PLEKHH2: variants seen among roughly 807,000 people sequenced by gnomAD.
PLEKHH2 encodes the protein pleckstrin homology domain-containing family H member 2.
Under a neutral mutation model 187.9 loss-of-function variants are expected in PLEKHH2, and 129 were observed. The ratio of observed to expected loss-of-function variants is 0.69; its 90% CI spans 0.59 to 0.79. PLEKHH2 has a LOEUF of 0.79. PLEKHH2 is among the 30% of genes least tolerant of loss of function. PLEKHH2 has a pLI of 0.00. For synonymous variants in PLEKHH2, 686 were observed against 605.6 expected, an observed-to-expected ratio of 1.13 and a Z score of -1.95; for missense variants, 2,076 against 1,751.2, an observed-to-expected ratio of 1.19 and a Z score of -3.31.
chr2:43,644,587 A>G (rs1391232293), intron 1 of PLEKHH2, 84 bp from the exon 2 acceptor site: 3 of 1,148,418 alleles, frequency 2.6e-6, no homozygotes, highest in Non-Finnish European at 3.6e-6. Context: ...GGGTAATTTA[A>G]CAAATTATCC....
chr2:43,740,296 T>A lies in PLEKHH2; in HGVS notation c.3124-650T>A, dbSNP rs183393074. ...TTATAGGATAAAGAAATTAAAAAAA[T>A]TTTTTTGTTGTTTGAAGACTTTTTG... On this transcript the variant is annotated intron_variant, in intron 20 of 29. Coordinates refer to ENST00000282406, the MANE Select transcript of PLEKHH2 (RefSeq NM_172069.4). 5.7e-3 allele frequency among the ~76,000 whole-genome samples: 862 copies of A among 152,236 alleles called. 9 individuals carry two copies. Among genetic ancestry groups the A allele is most frequent in the South Asian group, 0.031 (147 of 4,818 alleles).
At chr2:43,675,638 C>T (rs758735999) in intron 2 of PLEKHH2, 2 of 1,613,850 alleles carry the variant, frequency 1.2e-6, no homozygotes, top group Non-Finnish European at 1.7e-6. Context: ...TCTGCATGAA[C>T]TCCTGCATAT....
intron 10 of PLEKHH2, 117 bp from the exon 11 acceptor site, chr2:43,707,284 A>T: frequency 9.1e-7 from 1 of 1,104,682 alleles, no homozygotes; most frequent in Non-Finnish European, 1.3e-6. Context: ...TTAGGGATGG[A>T]TACAGGGAGG....
At chr2:43,735,837 A>G (rs1177193100) in intron 19 of PLEKHH2, among the ~76,000 whole-genome samples, 4 of 152,330 alleles carry the variant, frequency 2.6e-5, no homozygotes, top group South Asian at 2.1e-4. Context: ...GGAGATAATC[A>G]TATCTGTAGA....
rs1311939971 is a variant in PLEKHH2, at chr2:43,700,051, A to G, written c.1093A>G (p.Ser365Gly). ...GGAGGCACAGTGGAAAGCTCTAAAT[A>G]GTCCTCTTGGAAAGGGAAATTCTGA... ...QQEAQWKALN[S>G]PLGKGNSELS... The change falls in exon 8 of 30, where the codon AGT becomes GGT. Residue 365 changes from serine to glycine, a missense_variant. Coordinates refer to ENST00000282406, the MANE Select transcript of PLEKHH2 (RefSeq NM_172069.4). 1.2e-6 allele frequency: 2 copies of G among 1,614,088 alleles called. No individual in the cohort carries two copies. The highest frequency in any genetic ancestry group is 2.7e-5 in the African/African-American group (2 of 74,930).
At chr2:43,693,597 T>C (rs564118727) in intron 4 of PLEKHH2, among the ~76,000 whole-genome samples, 2 of 151,528 alleles carry the variant, frequency 1.3e-5, no homozygotes, top group African/African-American at 4.9e-5. Flanking sequence ...GGTGGCGGGC[T>C]CCTGTAGTCC....
chr2:43,745,936 G>A lies in PLEKHH2; in HGVS notation c.3626G>A (p.Arg1209Lys). The change falls in exon 24 of 30, where the codon AGG (arginine) becomes AAG (lysine). Residue 1209 changes from arginine (R) to lysine (K), a missense_variant. Physicochemically the swap from Arg to Lys is conservative, Grantham distance 26 (BLOSUM62 2). Transcript: ENST00000282406. ...EQQPGKCEGTRTVRLTYKNRL... is the reference protein window; with the variant it reads ...EQQPGKCEGTKTVRLTYKNRL... ...CAGCCTGGAAAATGTGAAGGTACAAGGACTGTTCGTCTGACATACAAAAAC... is the reference window on the plus strand; with the variant it reads ...CAGCCTGGAAAATGTGAAGGTACAAAGACTGTTCGTCTGACATACAAAAAC... 2.5e-6 allele frequency: 4 copies of A among 1,611,586 alleles called. No individual in the cohort carries two copies. Among genetic ancestry groups the A allele is most frequent in the Non-Finnish European group, 3.4e-6 (4 of 1,178,436 alleles).
At chr2:43,748,946 T>G (rs2060171) in intron 24 of PLEKHH2, among the ~76,000 whole-genome samples, 54,241 of 151,504 alleles carry the variant, frequency 0.36, 10,620 homozygotes, top group African/African-American at 0.51. Flanking sequence ...TAGTAGAGAC[T>G]GGTTTTCACC....
At chr2:43,684,835 AAGAG>A (rs1326200346) in intron 3 of PLEKHH2, among the ~76,000 whole-genome samples, 2 of 151,936 alleles carry the variant, frequency 1.3e-5, no homozygotes, top group Non-Finnish European at 2.9e-5. Flanking sequence ...AAAAAAAAAA[AAGAG>A]AGAGAATTAC....
At chr2:43,667,529 C>A (rs187822162) in intron 2 of PLEKHH2, among the ~76,000 whole-genome samples, 2 of 152,088 alleles carry the variant, frequency 1.3e-5, no homozygotes, top group African/African-American at 4.8e-5. Flanking sequence ...AGTGAAACAA[C>A]GCAAAAGCTC....
chr2:43,704,152 A>T, intron 9 of PLEKHH2, 96 bp downstream of exon 9: 1 of 835,754 alleles, frequency 1.2e-6, no homozygotes, highest in South Asian at 1.9e-5. Context: ...ACAAAAAGAC[A>T]AATACTGTAT....
intron 3 of PLEKHH2, 53 bp downstream of exon 3, chr2:43,678,978 A>C (rs1212265831): frequency 6.4e-6 from 8 of 1,244,244 alleles, no homozygotes; most frequent in Non-Finnish European, 9.3e-6. Flanking sequence ...TCACATAAAG[A>C]TTGTTTTGCT....
In PLEKHH2 at chr2:43,738,374, T is replaced by G. The variant is rs759034000; in HGVS notation, c.2977T>G (p.Ser993Ala). The G allele has an allele frequency of 3.7e-6, 6 of 1,612,306 alleles. No homozygotes were observed. Among genetic ancestry groups the G allele is most frequent in the Admixed American group, 1.7e-5 (1 of 59,920 alleles). Residue 993 changes from serine to alanine, a missense_variant, in exon 20 of 30, where the codon TCT becomes GCT. Transcript: ENST00000282406. ...GCTTTTTATAAATGCTGCAGTTGACTCTCCTGCAATTGATTACCACATATC... is the reference window on the plus strand; with the variant it reads ...GCTTTTTATAAATGCTGCAGTTGACGCTCCTGCAATTGATTACCACATATC... ...CQLFINAAVD[S>A]PAIDYHISLA...
At chr2:43,657,915 T>A (rs1178395788) in intron 2 of PLEKHH2, among the ~76,000 whole-genome samples, 5 of 152,184 alleles carry the variant, frequency 3.3e-5, no homozygotes, top group African/African-American at 1.2e-4. Context: ...GCCCTCCTTC[T>A]TCTGTATCTA....
intron 28 of PLEKHH2, among the ~76,000 whole-genome samples, 159 bp downstream of exon 28, chr2:43,762,549 T>C (rs186095049): frequency 6.0e-4 from 92 of 152,354 alleles, no homozygotes; most frequent in African/African-American, 2.0e-3. Context: ...AATACAGCTA[T>C]GATTATAATT....
chr2:43,678,737 A>AGTGGAGGTGGAGGTGGAG (rs1029434928), intron 2 of PLEKHH2, 126 bp from the exon 3 acceptor site: 46 of 412,362 alleles, frequency 1.1e-4, no homozygotes, highest in African/African-American at 7.6e-4. Context: ...TAGAGGTGGA[A>AGTGGAGGTGGAGGTGGAG]GTGGAGGTGG....
In PLEKHH2 at chr2:43,712,228, A is replaced by G; in HGVS notation, c.2305A>G (p.Thr769Ala). Residue 769 changes from threonine (T) to alanine (A), a missense_variant, in exon 15 of 30, where the codon ACC (threonine) becomes GCC (alanine). Coordinates refer to ENST00000282406, the MANE Select transcript of PLEKHH2 (RefSeq NM_172069.4). ...TACCTTTCTCGTTGCATTCTAGTTG[A>G]CCACTGAAAAACACACATACTATCT... Reference protein sequence around the residue: ...RGDNKQTVQLTTEKHTYYLTA... With the variant: ...RGDNKQTVQLATEKHTYYLTA... 1 of 1,612,336 alleles carries G rather than the reference A, an allele frequency of 6.2e-7. No homozygotes were observed.
intron 3 of PLEKHH2, among the ~76,000 whole-genome samples, chr2:43,688,593 G>A (rs111949019): frequency 0.063 from 9,611 of 152,258 alleles, 433 homozygotes; most frequent in Non-Finnish European, 0.09. Flanking sequence ...AATAGCCCTG[G>A]AAGCTGTATT....
chr2:43,745,921 A>G lies in PLEKHH2; in HGVS notation c.3611A>G (p.Lys1204Arg). ...EQASKEQQPG[K>R]CEGTRTVRLT... ...GCTTCCAAAGAACAGCAGCCTGGAA[A>G]ATGTGAAGGTACAAGGACTGTTCGT... Residue 1204 changes from lysine (K) to arginine (R), a missense_variant, in exon 24 of 30, where the codon AAA becomes AGA. Physicochemically the swap from Lys to Arg is conservative, Grantham distance 26. Transcript: ENST00000282406. 3 of 1,613,178 alleles carry G rather than the reference A, an allele frequency of 1.9e-6. No individual in the cohort carries two copies. The highest frequency in any genetic ancestry group is 2.5e-6 in the Non-Finnish European group (3 of 1,179,410).
Sources: gnomAD v4.1 joint callset for allele counts (sites outside exome capture counted in the v4.1 genomes callset) on GRCh38, gnomAD v4.1.1 for gene constraint, MANE v1.5 for transcripts, NCBI Gene and HGNC (gene_info 2026-07-23, HGNC 2026-07-21) for gene names.